The following NAALADL2 variants were observed in gnomAD, a reference collection of about 807,000 sequenced individuals.
NAALADL2 encodes inactive N-acetylated-alpha-linked acidic dipeptidase-like protein 2.
NAALADL2 carries 76 observed loss-of-function variants against 87.2 expected under a neutral mutation model. The ratio of observed to expected loss-of-function variants is 0.87; its 90% CI spans 0.72 to 1.05. The LOEUF is 1.05. NAALADL2 is among the 50% of genes least tolerant of loss of function. The pLI, the probability that NAALADL2 is intolerant of heterozygous loss-of-function variation, is 0.00. For missense variants in NAALADL2, 1,089 were observed against 945.8 expected, an observed-to-expected ratio of 1.15 and a Z score of -1.99; for synonymous variants, 354 against 331.0, an observed-to-expected ratio of 1.07 and a Z score of -0.75.
intron 1 of NAALADL2, among the ~76,000 whole-genome samples, chr3:175,026,123 T>C (rs1050197706): frequency 6.6e-6 from 1 of 152,160 alleles, no homozygotes; most frequent in Non-Finnish European, 1.5e-5. Context: ...TTAGCCATCC[T>C]AACAAATGAA....
At chr3:175,221,587 C>A (rs558149465) in intron 2 of NAALADL2, among the ~76,000 whole-genome samples, 1 of 151,994 alleles carries the variant, frequency 6.6e-6, no homozygotes, top group South Asian at 2.1e-4. Context: ...TTTTTGGTAC[C>A]TTCAAGTTTT....
chr3:174,507,560 T>G (rs1014099794), intron 1 of NAALADL2, among the ~76,000 whole-genome samples: 7 of 151,972 alleles, frequency 4.6e-5, no homozygotes, highest in Non-Finnish European at 1.5e-5. Flanking sequence ...CTTACATCTC[T>G]GTGCAGTCAG....
At chr3:175,221,320 A>G (rs1418238507) in intron 2 of NAALADL2, among the ~76,000 whole-genome samples, 1 of 151,886 alleles carries the variant, frequency 6.6e-6, no homozygotes, top group African/African-American at 2.4e-5. Flanking sequence ...ATTTCTTTCT[A>G]ACTTAATTCC....
intron 9 of NAALADL2, among the ~76,000 whole-genome samples, chr3:175,529,134 T>C (rs1406796443): frequency 1.3e-5 from 2 of 152,214 alleles, no homozygotes; most frequent in African/African-American, 4.8e-5. Context: ...GACGCCCTAA[T>C]GGATCTCCTG....
chr3:175,039,794 T>C (rs1450933493), intron 1 of NAALADL2, among the ~76,000 whole-genome samples: 1 of 152,166 alleles, frequency 6.6e-6, no homozygotes, highest in Non-Finnish European at 1.5e-5. Flanking sequence ...ATTCCATTTT[T>C]CCAAAGCAAT....
chr3:174,880,378 G>A (rs28668920), intron 1 of NAALADL2, among the ~76,000 whole-genome samples: 38,822 of 151,966 alleles, frequency 0.26, 5,508 homozygotes, highest in African/African-American at 0.39. Context: ...AACAAAAACC[G>A]TAAAATTATA....
At chr3:175,111,189 G>T (rs1332594983) in intron 2 of NAALADL2, among the ~76,000 whole-genome samples, 1 of 151,594 alleles carries the variant, frequency 6.6e-6, no homozygotes, top group Non-Finnish European at 1.5e-5. Flanking sequence ...TTTGCTCTAC[G>T]GAATATTTAT....
chr3:174,652,833 G>C (rs1487327878), intron 2 of NAALADL2, among the ~76,000 whole-genome samples: 2 of 151,900 alleles, frequency 1.3e-5, no homozygotes, highest in Non-Finnish European at 2.9e-5. Context: ...ATTTCACAAA[G>C]GGCACATAGA....
chr3:174,530,494 G>A (rs1057506779), intron 1 of NAALADL2, among the ~76,000 whole-genome samples: 27 of 152,136 alleles, frequency 1.8e-4, no homozygotes, highest in Admixed American at 1.6e-3. Flanking sequence ...CTGCTAGTAC[G>A]AATTTACTGT....
At chr3:175,135,358 G>A (rs1206144168) in intron 2 of NAALADL2, among the ~76,000 whole-genome samples, 1 of 152,078 alleles carries the variant, frequency 6.6e-6, no homozygotes, top group Admixed American at 6.5e-5. Flanking sequence ...TCTTCATACG[G>A]TAATAAAAAT....
At chr3:174,602,948 A>G (rs1446135271) in intron 2 of NAALADL2, among the ~76,000 whole-genome samples, 2 of 152,070 alleles carry the variant, frequency 1.3e-5, no homozygotes, top group South Asian at 4.1e-4. Flanking sequence ...GTGTATGTTG[A>G]ACCATCATTA....
chr3:175,192,503 T>C (rs1008001929), intron 2 of NAALADL2, among the ~76,000 whole-genome samples: 1 of 152,058 alleles, frequency 6.6e-6, no homozygotes, highest in Non-Finnish European at 1.5e-5. Flanking sequence ...ATTTGTGTTG[T>C]CATTTTCTAG....
chr3:175,375,307 A>G (rs981195154), intron 5 of NAALADL2, among the ~76,000 whole-genome samples: 2 of 152,190 alleles, frequency 1.3e-5, no homozygotes, highest in African/African-American at 4.8e-5. Flanking sequence ...AAACGTGTCA[A>G]TATCTATAAC....
intron 4 of NAALADL2, among the ~76,000 whole-genome samples, chr3:175,278,429 C>A (rs1315768384): frequency 6.6e-6 from 1 of 152,096 alleles, no homozygotes; most frequent in Non-Finnish European, 1.5e-5. Context: ...TGAGTACCTG[C>A]GTCTAACCAT....
intron 2 of NAALADL2, among the ~76,000 whole-genome samples, chr3:174,641,241 G>A (rs528572148): frequency 1.8e-3 from 278 of 152,270 alleles, no homozygotes; most frequent in South Asian, 9.9e-3. Flanking sequence ...GGGGAGGACC[G>A]CGGGCCTCGG....
At chr3:175,395,853 A>G (rs1769711041) in intron 5 of NAALADL2, among the ~76,000 whole-genome samples, 1 of 152,210 alleles carries the variant, frequency 6.6e-6, no homozygotes, top group African/African-American at 2.4e-5. Flanking sequence ...TTTTATGAGC[A>G]ATGAAATGGC....
intron 2 of NAALADL2, among the ~76,000 whole-genome samples, chr3:175,140,265 T>C (rs1729793498): frequency 6.6e-6 from 1 of 152,130 alleles, no homozygotes; most frequent in South Asian, 2.1e-4. Context: ...TAAGTTATAA[T>C]GGTAACCATC....
At chr3:175,795,637 T>G (rs1753374013) in intron 13 of NAALADL2, among the ~76,000 whole-genome samples, 1 of 151,744 alleles carries the variant, frequency 6.6e-6, no homozygotes, top group South Asian at 2.1e-4. Flanking sequence ...GAGCAGAGAT[T>G]GTGCCACTGC....
chr3:175,709,597 C>T (rs527963954), intron 11 of NAALADL2, among the ~76,000 whole-genome samples: 1 of 152,164 alleles, frequency 6.6e-6, no homozygotes, highest in South Asian at 2.1e-4. Flanking sequence ...AAGCGTATTA[C>T]GCTGGAAATA....
Sources: allele counts gnomAD v4.1 joint callset (sites outside exome capture counted in the v4.1 genomes callset), GRCh38; gene constraint gnomAD v4.1.1; transcripts MANE v1.5; gene names NCBI Gene and HGNC (gene_info 2026-07-23, HGNC 2026-07-21).